AFTPH: variants seen among roughly 807,000 people sequenced by gnomAD.
The protein encoded by AFTPH is aftiphilin, also known as aftiphilin protein.
AFTPH carries 7 observed loss-of-function variants against 72.5 expected under a neutral mutation model. The observed-to-expected ratio is 0.10, with a 90% CI of 0.05 to 0.18. AFTPH has a LOEUF of 0.18. Ranked by LOEUF, AFTPH falls within the 10% of genes least tolerant of loss-of-function variation. The pLI, the probability that AFTPH is intolerant of heterozygous loss-of-function variation, is 1.00. For synonymous variants in AFTPH, 337 were observed against 370.1 expected, an observed-to-expected ratio of 0.91 and a Z score of 1.03; for missense variants, 979 against 1,060.5, an observed-to-expected ratio of 0.92 and a Z score of 1.07.
At chr2:64,591,391 C>G (rs1032268070) in intron 8 of AFTPH, among the ~76,000 whole-genome samples, 1 of 152,208 alleles carries the variant, frequency 6.6e-6, no homozygotes, top group Non-Finnish European at 1.5e-5. Context: ...AGCTTTCTCT[C>G]CTGGAATTCC....
chr2:64,546,522 T>C (rs1670631962), intron 1 of AFTPH, among the ~76,000 whole-genome samples: 1 of 152,230 alleles, frequency 6.6e-6, no homozygotes, highest in African/African-American at 2.4e-5. Context: ...AACACATTTA[T>C]TCTAAAATAC....
At chr2:64,569,749 C>T in intron 5 of AFTPH, 70 bp downstream of exon 5, 2 of 1,391,552 alleles carry the variant, frequency 1.4e-6, no homozygotes, top group Non-Finnish European at 2.0e-6. Flanking sequence ...TCTTAAAATA[C>T]ACTTCTATGT....
At chr2:64,566,549 A>G (rs542915824) in intron 2 of AFTPH, among the ~76,000 whole-genome samples, 93 of 152,326 alleles carry the variant, frequency 6.1e-4, no homozygotes, top group Non-Finnish European at 2.9e-4. Context: ...TGTCAATTCA[A>G]TAGTAAACTT....
intron 2 of AFTPH, among the ~76,000 whole-genome samples, chr2:64,566,414 T>C (rs1672094864): frequency 1.3e-5 from 2 of 152,196 alleles, no homozygotes; most frequent in Non-Finnish European, 2.9e-5. Flanking sequence ...GAAAATGTTA[T>C]GAAATTTTTT....
exon 2 of AFTPH, chr2:64,553,334 G>A (rs199744881): frequency 1.1e-4 from 174 of 1,613,692 alleles, no homozygotes; most frequent in Middle Eastern, 1.7e-4. Context: ...CCCCCAAAAC[G>A]CACAGTGTAC....
At chr2:64,546,483 A>G (rs1194103158) in intron 1 of AFTPH, among the ~76,000 whole-genome samples, 1 of 152,226 alleles carries the variant, frequency 6.6e-6, no homozygotes, top group Non-Finnish European at 1.5e-5. Context: ...AGATTTTAAC[A>G]GTGTTTACTT....
At chr2:64,558,081 T>G (rs936695226) in intron 2 of AFTPH, among the ~76,000 whole-genome samples, 3 of 152,218 alleles carry the variant, frequency 2.0e-5, no homozygotes, top group Admixed American at 2.0e-4. Flanking sequence ...GATATCCTCT[T>G]AAATGGAAGA....
intron 8 of AFTPH, among the ~76,000 whole-genome samples, chr2:64,590,806 T>C (rs1268285141): frequency 1.3e-5 from 2 of 152,194 alleles, no homozygotes; most frequent in African/African-American, 4.8e-5. Flanking sequence ...TTCAAAGTGG[T>C]AACAGAAAAG....
intron 2 of AFTPH, among the ~76,000 whole-genome samples, chr2:64,553,639 T>A (rs1671183036): frequency 6.6e-6 from 1 of 151,904 alleles, no homozygotes; most frequent in South Asian, 2.1e-4. Flanking sequence ...TCAATGAGTT[T>A]CGTTAATATT....
chr2:64,579,764 T>C, intron 7 of AFTPH: 1 of 396,136 alleles, frequency 2.5e-6, no homozygotes, highest in Non-Finnish European at 4.4e-6. Flanking sequence ...AGTAGTTAGG[T>C]AAAATTTTAG....
intron 1 of AFTPH, among the ~76,000 whole-genome samples, chr2:64,545,616 C>G (rs1173086928): frequency 4.0e-5 from 3 of 74,802 alleles, no homozygotes; most frequent in Non-Finnish European, 6.3e-5. Flanking sequence ...AAAAAAAGAC[C>G]TGACCTATTG....
chr2:64,531,344 G>T (rs1669623265), intron 1 of AFTPH, among the ~76,000 whole-genome samples: 1 of 152,070 alleles, frequency 6.6e-6, no homozygotes, highest in African/African-American at 2.4e-5. Flanking sequence ...TACCAGCAGT[G>T]GTTGGGTCCC....
intron 7 of AFTPH, among the ~76,000 whole-genome samples, chr2:64,582,010 C>T (rs1431491139): frequency 2.0e-5 from 3 of 152,220 alleles, no homozygotes; most frequent in African/African-American, 7.2e-5. Flanking sequence ...TACTTTGTCA[C>T]TTTCTAACTG....
chr2:64,530,948 G>A (rs1669591558), intron 1 of AFTPH, among the ~76,000 whole-genome samples: 1 of 151,070 alleles, frequency 6.6e-6, no homozygotes, highest in South Asian at 2.1e-4. Context: ...TGTAATCCCA[G>A]CTACTCGGGA....
chr2:64,547,702 TTTAG>T, intron 1 of AFTPH, among the ~76,000 whole-genome samples: 1 of 150,576 alleles, frequency 6.6e-6, no homozygotes, highest in Admixed American at 6.6e-5. Flanking sequence ...TTGTTCCTGA[TTTAG>T]TTAGTAGCAG....
At chr2:64,580,247 G>GT (rs1228078661) in intron 7 of AFTPH, 1 of 152,638 alleles carries the variant, frequency 6.6e-6, no homozygotes, top group Non-Finnish European at 1.5e-5. Flanking sequence ...ATCCCAAGAT[G>GT]TAATTGCTCT....
intron 1 of AFTPH, among the ~76,000 whole-genome samples, chr2:64,545,469 G>A (rs1670524386): frequency 1.4e-5 from 2 of 147,424 alleles, no homozygotes; most frequent in Admixed American, 1.4e-4. Context: ...CTATACATAT[G>A]CAGTTTATAA....
At position 64,552,046 on chromosome 2, in the gene AFTPH, CTG is replaced by C. The variant is rs904478212; in HGVS notation, c.574_575del (p.Val192LysfsTer7). ...ACAAATGGGTTTGCAGTGTTGGAAA[CTG>C]TAAATCCTCAGGGAACAGATGATCT... On this transcript the variant is annotated frameshift_variant, in exon 2 of 9. Coordinates refer to ENST00000238856, the Ensembl canonical transcript of AFTPH. LOFTEE classifies it high-confidence loss of function. The C allele has an allele frequency of 6.2e-7, 1 of 1,613,850 alleles. No individual in the cohort carries two copies. Among genetic ancestry groups the C allele is most frequent in the African/African-American group, 1.3e-5 (1 of 74,904 alleles).
chr2:64,571,235 G>C (rs1226445577), intron 5 of AFTPH, among the ~76,000 whole-genome samples: 3 of 150,804 alleles, frequency 2.0e-5, no homozygotes, highest in Non-Finnish European at 4.4e-5. Context: ...TGGAAGACTT[G>C]TTAAAACACA....
Sources: gnomAD v4.1 joint callset for allele counts (sites outside exome capture counted in the v4.1 genomes callset) on GRCh38, gnomAD v4.1.1 for gene constraint, MANE v1.5 for transcripts, NCBI Gene and HGNC (gene_info 2026-07-23, HGNC 2026-07-21) for gene names.